PCDH7: variants seen among roughly 807,000 people sequenced by gnomAD.
PCDH7 encodes protocadherin-7.
PCDH7 carries 17 observed loss-of-function variants against 58.9 expected under a neutral mutation model. That is an observed-to-expected ratio of 0.29 (90% CI 0.20 to 0.43). The LOEUF is 0.43. Ranked by LOEUF, PCDH7 falls within the 20% of genes least tolerant of loss-of-function variation. The pLI is 1.00. For synonymous variants in PCDH7, 664 were observed against 616.4 expected, an observed-to-expected ratio of 1.08 and a Z score of -1.14; for missense variants, 1,274 against 1,441.0, an observed-to-expected ratio of 0.88 and a Z score of 1.88.
chr4:30,771,749 T>C (rs1262288157), intron 1 of PCDH7, among the ~76,000 whole-genome samples: 1 of 152,200 alleles, frequency 6.6e-6, no homozygotes, highest in Non-Finnish European at 1.5e-5. Context: ...TATCCTCGGT[T>C]ATTAACTGTG....
chr4:30,738,671 G>A (rs146534889), intron 1 of PCDH7, among the ~76,000 whole-genome samples: 330 of 152,126 alleles, frequency 2.2e-3, no homozygotes, highest in African/African-American at 7.4e-3. Context: ...TCTAAAAACT[G>A]TTTCACAAAT....
intron 1 of PCDH7, among the ~76,000 whole-genome samples, chr4:30,825,758 G>T (rs12513276): frequency 0.3 from 44,896 of 150,012 alleles, 8,190 homozygotes; most frequent in African/African-American, 0.53. Flanking sequence ...ATATCAAAAG[G>T]TATTAATGTA....
chr4:30,917,092 A>G (rs950678822), intron 1 of PCDH7, among the ~76,000 whole-genome samples: 23 of 152,130 alleles, frequency 1.5e-4, no homozygotes, highest in African/African-American at 5.3e-4. Flanking sequence ...GCTTTAGTCA[A>G]TCTTTCTGGA....
intron 1 of PCDH7, among the ~76,000 whole-genome samples, chr4:30,748,597 C>G (rs1718080475): frequency 6.6e-6 from 1 of 152,170 alleles, no homozygotes; most frequent in Non-Finnish European, 1.5e-5. Flanking sequence ...ATCCTTATCA[C>G]CTAATCACTT....
At chr4:31,045,707 A>G (rs906271959) in intron 3 of PCDH7, among the ~76,000 whole-genome samples, 34 of 152,028 alleles carry the variant, frequency 2.2e-4, no homozygotes, top group Admixed American at 4.6e-4. Context: ...TGTAATTATA[A>G]AAACCAATAC....
At position 31,025,186 on chromosome 4, in the gene PCDH7, G is replaced by T. The variant is rs149926259; in HGVS notation, c.*7+74971G>T. On this transcript the variant is annotated intron_variant, in intron 3 of 3. Coordinates refer to the PCDH7 transcript ENST00000509759. Reference sequence around the variant, plus strand: ...AATTCTGTGTCATTTTCTCTCAAGAGATATCCAAGAAAAGGAAAGGTTAAC... The same window carrying T: ...AATTCTGTGTCATTTTCTCTCAAGATATATCCAAGAAAAGGAAAGGTTAAC... Among the ~76,000 whole-genome samples, 625 of 152,290 alleles carry T rather than the reference G, an allele frequency of 4.1e-3. 4 individuals carry two copies. The highest frequency in any genetic ancestry group is 0.015 in the African/African-American group (603 of 41,548).
intron 2 of PCDH7, among the ~76,000 whole-genome samples, chr4:30,921,241 A>AAG (rs1743151832): frequency 6.6e-6 from 1 of 152,126 alleles, no homozygotes; most frequent in Admixed American, 6.6e-5. Flanking sequence ...TTCAAATATG[A>AAG]AGAGAGAGAT....
chr4:30,883,164 G>A (rs1737223192), intron 1 of PCDH7, among the ~76,000 whole-genome samples: 1 of 152,298 alleles, frequency 6.6e-6, no homozygotes, highest in East Asian at 1.9e-4. Context: ...TGCCTAAATG[G>A]CTCAGAATCC....
chr4:30,890,303 T>A (rs571287720), intron 1 of PCDH7, among the ~76,000 whole-genome samples: 2 of 152,058 alleles, frequency 1.3e-5, no homozygotes, highest in Non-Finnish European at 2.9e-5. Context: ...CTCACTTAAT[T>A]TGAAGGATTC....
rs1718747836 is a variant in PCDH7 at position 31,129,778 on chromosome 4, G to T, written c.*8-12695G>T. On this transcript the variant is annotated intron_variant, in intron 3 of 3. Coordinates refer to the PCDH7 transcript ENST00000509759. ...CTCCTGAGTAGCTGGGATTACAGGT[G>T]CCACCACACCCAGATAAATTTTGTA... 3.3e-5 allele frequency among the ~76,000 whole-genome samples: 5 copies of T among 152,064 alleles called. No individual in the cohort carries two copies. In the South Asian group the frequency reaches 6.2e-4, roughly 19 times the overall value.
intron 3 of PCDH7, among the ~76,000 whole-genome samples, chr4:30,964,230 A>G (rs1389403617): frequency 1.6e-5 from 1 of 63,572 alleles, no homozygotes; most frequent in Non-Finnish European, 2.7e-5. Context: ...AGTTTTATTT[A>G]TTTATTTATT....
Position 30,938,223 on chromosome 4 carries a change from T to A in PCDH7, c.288-11897T>A, listed in dbSNP as rs191715494. ...ACACACATTCTTTCTAAACGAAGTTTACTGCCATTGATTCCCAAGAGCTAA... is the reference window on the plus strand; with the variant it reads ...ACACACATTCTTTCTAAACGAAGTTAACTGCCATTGATTCCCAAGAGCTAA... On this transcript the variant is annotated intron_variant, in intron 2 of 3. Coordinates refer to the PCDH7 transcript ENST00000509759. 2.6e-5 allele frequency among the ~76,000 whole-genome samples: 4 copies of A among 152,280 alleles called. No homozygotes were observed. The East Asian group carries it at 7.7e-4, about 29-fold the overall frequency.
chr4:30,724,225 A>T lies in PCDH7; in HGVS notation c.2803A>T (p.Lys935Ter), dbSNP rs146762151. The change falls in exon 1 of 2, where the codon AAA becomes TAA. Residue 935 changes from lysine to a stop codon, truncating the protein, a stop_gained. Coordinates refer to ENST00000361762, the Ensembl canonical transcript of PCDH7. LOFTEE classifies it high-confidence loss of function. ...ACAGCATGACAAATCTAAAAAGCCT[A>T]AAAAGGACAAGAAAAACAAAAAATC... The T allele has an allele frequency of 6.2e-7, 1 of 1,613,724 alleles. No homozygotes were observed. Among genetic ancestry groups the T allele is most frequent in the African/African-American group, 1.3e-5 (1 of 74,928 alleles).
Position 30,953,849 on chromosome 4 carries a change from A to C in PCDH7, c.*7+3634A>C, listed in dbSNP as rs1454118215. Reference sequence around the variant, plus strand: ...TCACACTACAAAATATAATGTCCTTAAGTGGATAATAACATTGGTGGAAGT... The same window carrying C: ...TCACACTACAAAATATAATGTCCTTCAGTGGATAATAACATTGGTGGAAGT... On this transcript the variant is annotated intron_variant, in intron 3 of 3. Coordinates refer to the PCDH7 transcript ENST00000509759. 2.0e-5 allele frequency among the ~76,000 whole-genome samples: 3 copies of C among 152,256 alleles called. No individual in the cohort carries two copies. The East Asian group carries it at 5.8e-4, about 29-fold the overall frequency.
intron 3 of PCDH7, among the ~76,000 whole-genome samples, chr4:31,031,983 T>C (rs951990591): frequency 2.0e-5 from 3 of 152,236 alleles, no homozygotes; most frequent in African/African-American, 4.8e-5. Flanking sequence ...TAACTCATTT[T>C]ATTGCTCAAT....
chr4:30,740,913 A>C (rs1037596205), intron 1 of PCDH7, among the ~76,000 whole-genome samples: 1 of 152,124 alleles, frequency 6.6e-6, no homozygotes, highest in African/African-American at 2.4e-5. Context: ...AACATTTTTA[A>C]TCAGCTAAAG....
chr4:30,930,250 G>A (rs1382662582), intron 2 of PCDH7, among the ~76,000 whole-genome samples: 1 of 152,180 alleles, frequency 6.6e-6, no homozygotes, highest in Admixed American at 6.5e-5. Flanking sequence ...ATAAGGCTAT[G>A]GAGAACAGTG....
intron 1 of PCDH7, among the ~76,000 whole-genome samples, chr4:30,878,551 A>G (rs1736570725): frequency 6.6e-6 from 1 of 152,114 alleles, no homozygotes; most frequent in South Asian, 2.1e-4. Flanking sequence ...CTAAGGCAGA[A>G]CTGTGCTGCT....
At chr4:31,131,848 A>G (rs1719034460) in intron 3 of PCDH7, among the ~76,000 whole-genome samples, 1 of 152,206 alleles carries the variant, frequency 6.6e-6, no homozygotes, top group Non-Finnish European at 1.5e-5. Flanking sequence ...GTTTCTCATG[A>G]TGACTACAGG....
Sources: allele counts gnomAD v4.1 joint callset (sites outside exome capture counted in the v4.1 genomes callset), GRCh38; gene constraint gnomAD v4.1.1; transcripts MANE v1.5; gene names NCBI Gene and HGNC (gene_info 2026-07-23, HGNC 2026-07-21).